The following CHD1L variants were observed in gnomAD, a reference collection of about 807,000 sequenced individuals.
The protein encoded by CHD1L is chromodomain helicase DNA binding protein 1 like, also known as ATP-dependent chromatin remodeler CHD1L.
In CHD1L, 118 loss-of-function variants were observed where a neutral mutation model predicts 115.9. The ratio of observed to expected loss-of-function variants is 1.02; its 90% confidence interval spans 0.88 to 1.19. The LOEUF (loss-of-function observed/expected upper bound fraction) is 1.19. CHD1L is among the 50% of genes most tolerant of loss of function. The pLI is 0.00. For synonymous variants in CHD1L, 411 were observed against 387.1 expected, an observed-to-expected ratio of 1.06 and a Z score of -0.72; for missense variants, 1,179 against 1,065.3, an observed-to-expected ratio of 1.11 and a Z score of -1.49.
At chr1:147,256,639 T>G in intron 5 of CHD1L, 77 bp downstream of exon 5, 1 of 1,424,778 alleles carries the variant, frequency 7.0e-7, no homozygotes. Flanking sequence ...GTTTTAGTAC[T>G]TTGCCTCTCC....
At chr1:147,189,839 T>C in the CHD1L span, among the ~76,000 whole-genome samples, 2 of 152,164 alleles carry the variant, frequency 1.3e-5, no homozygotes, top group Non-Finnish European at 2.9e-5. Flanking sequence ...TCACTCTTCC[T>C]TCCTCTGGCA....
chr1:147,195,207 C>G, the CHD1L span, among the ~76,000 whole-genome samples: 6 of 152,134 alleles, frequency 3.9e-5, no homozygotes, highest in African/African-American at 1.2e-4. Context: ...TTGTTCGTTT[C>G]TTTTTATTCT....
At chr1:147,186,781 GA>G in the CHD1L span, 2 of 1,482,888 alleles carry the variant, frequency 1.3e-6, no homozygotes, top group Non-Finnish European at 8.9e-7. Context: ...TAATGCTTTC[GA>G]AAGAGACATT....
intron 12 of CHD1L, among the ~76,000 whole-genome samples, chr1:147,273,438 T>C (rs1352350561): frequency 5.3e-5 from 8 of 152,038 alleles, no homozygotes; most frequent in Non-Finnish European, 1.2e-4. Context: ...TATAAGGAGA[T>C]TATTTCACCT....
intron 1 of CHD1L, among the ~76,000 whole-genome samples, chr1:147,251,535 A>T (rs1039400252): frequency 6.6e-6 from 1 of 151,988 alleles, no homozygotes; most frequent in Non-Finnish European, 1.5e-5. Context: ...ATTTATTTTT[A>T]TTATTATTTT....
chr1:147,198,322 G>T, the CHD1L span, among the ~76,000 whole-genome samples: 5,617 of 152,140 alleles, frequency 0.037, 157 homozygotes, highest in South Asian at 0.095. Flanking sequence ...GCAATACAAA[G>T]GCAAATAAAC....
At chr1:147,266,974 A>G (rs1674178132) in intron 8 of CHD1L, among the ~76,000 whole-genome samples, 1 of 152,344 alleles carries the variant, frequency 6.6e-6, no homozygotes, top group Non-Finnish European at 1.5e-5. Flanking sequence ...ATGGTTTCCA[A>G]TATCCACTGG....
At chr1:147,183,489 G>A in the CHD1L span, among the ~76,000 whole-genome samples, 11 of 152,096 alleles carry the variant, frequency 7.2e-5, no homozygotes, top group African/African-American at 2.4e-4. Flanking sequence ...GTATTCCTTC[G>A]AGGAGTTTAC....
At chr1:147,287,849 G>A (rs12755465) in intron 19 of CHD1L, 116 bp downstream of exon 19, 526,371 of 774,854 alleles carry the variant, frequency 0.68, 180,236 homozygotes, top group African/African-American at 0.77. Flanking sequence ...ACCAGTTGGG[G>A]ACTGAATTCT....
chr1:147,286,650 A>G, intron 18 of CHD1L, 150 bp downstream of exon 18: 1 of 706,036 alleles, frequency 1.4e-6, no homozygotes, highest in Non-Finnish European at 2.3e-6. Context: ...GAGATATTCC[A>G]GAATCATTTC....
At chr1:147,215,687 T>C in the CHD1L span, 2 of 1,214,790 alleles carry the variant, frequency 1.6e-6, no homozygotes, top group South Asian at 1.5e-5. Flanking sequence ...CATTGGTAAC[T>C]GAAACCACGT....
chr1:147,185,175 AT>A, the CHD1L span, among the ~76,000 whole-genome samples: 43,347 of 151,080 alleles, frequency 0.29, 6,345 homozygotes, highest in African/African-American at 0.37. Context: ...TTAACCATTG[AT>A]TTTTTTTTGT....
chr1:147,238,374 C>T (rs1248336408), upstream of CHD1L, among the ~76,000 whole-genome samples: 2 of 152,192 alleles, frequency 1.3e-5, no homozygotes, highest in Non-Finnish European at 2.9e-5. Flanking sequence ...AGCAAGGATA[C>T]AACAAACAGC....
At chr1:147,264,300 A>G (rs1571834993) in intron 6 of CHD1L, 122 bp from the exon 7 acceptor site, 1 of 874,040 alleles carries the variant, frequency 1.1e-6, no homozygotes, top group Non-Finnish European at 1.7e-6. Flanking sequence ...ATCTGATTTC[A>G]TGTCCCCTCA....
Position 147,276,121 on chromosome 1 carries a change from G to A in CHD1L, c.1403G>A (p.Arg468Gln), listed in dbSNP as rs587620686. 7.4e-6 allele frequency: 12 copies of A among 1,613,942 alleles called. No homozygotes were observed. Among genetic ancestry groups the A allele is most frequent in the Middle Eastern group, 1.7e-4 (1 of 6,056 alleles). ...ATGTCCAGGTCTGTTAAAGTTATTCGGCTGATTGGTCGAGACACTGTGGAA... is the reference window on the plus strand; with the variant it reads ...ATGTCCAGGTCTGTTAAAGTTATTCAGCTGATTGGTCGAGACACTGTGGAA... ...IGQNKSVKVI[R>Q]LIGRDTVEEI... The change falls in exon 14 of 23, where the codon CGG (arginine) becomes CAG (glutamine). Residue 468 changes from arginine to glutamine, a missense_variant. By Grantham distance (43) the Arg-to-Gln change is conservative (BLOSUM62 1). Coordinates refer to ENST00000369258, the MANE Select transcript of CHD1L (RefSeq NM_004284.6).
rs1457760790 is a variant in CHD1L at position 147,275,436 on chromosome 1, A to G, written c.1353A>G (p.Ala451=). The change falls in exon 13 of 23, where the codon GCA becomes GCG. Residue 451 remains alanine (A), a synonymous_variant. Transcript: ENST00000369258. ...SDFNPQNDLQ[A]AARAHRIGQN... ...TTAATCCTCAGAATGACTTGCAAGCAGCTGCCAGGGCTCATCGCATTGGCC... is the reference window on the plus strand; with the variant it reads ...TTAATCCTCAGAATGACTTGCAAGCGGCTGCCAGGGCTCATCGCATTGGCC... The G allele has an allele frequency of 3.1e-6, 5 of 1,614,028 alleles. No individual in the cohort carries two copies. Among genetic ancestry groups the G allele is most frequent in the Non-Finnish European group, 3.4e-6 (4 of 1,179,998 alleles).
the CHD1L span, among the ~76,000 whole-genome samples, chr1:147,198,673 A>T: frequency 6.6e-6 from 1 of 151,490 alleles, no homozygotes; most frequent in Non-Finnish European, 1.5e-5. Context: ...ACATGGTGAA[A>T]CCCCGTCTGT....
At chr1:147,286,545 T>A in intron 18 of CHD1L, 45 bp downstream of exon 18, 2 of 1,579,652 alleles carry the variant, frequency 1.3e-6, no homozygotes, top group South Asian at 2.2e-5. Context: ...TCAGTCCTTA[T>A]GGTGCCAAGA....
chr1:147,186,893 AG>A, the CHD1L span: 1 of 1,606,422 alleles, frequency 6.2e-7, no homozygotes, highest in Non-Finnish European at 8.5e-7. Context: ...CAGTGACAAT[AG>A]GACAACTAGA....
Sources: allele counts gnomAD v4.1 joint callset (sites outside exome capture counted in the v4.1 genomes callset), GRCh38; gene constraint gnomAD v4.1.1; transcripts MANE v1.5; gene names NCBI Gene and HGNC (gene_info 2026-07-23, HGNC 2026-07-21).